PARD3: variants seen among roughly 807,000 people sequenced by gnomAD.
PARD3 encodes the protein partitioning defective 3 homolog.
Under a neutral mutation model 155.4 loss-of-function variants are expected in PARD3, and 75 were observed. The ratio of observed to expected loss-of-function variants is 0.48; its 90% CI spans 0.40 to 0.58. PARD3 has a LOEUF of 0.58. PARD3 is among the 20% of genes least tolerant of loss of function. The pLI, the probability that PARD3 is intolerant of heterozygous loss-of-function variation, is 0.00. For missense variants in PARD3, 1,642 were observed against 1,721.7 expected (o/e 0.95, Z 0.82); for synonymous variants, 576 against 610.5 (o/e 0.94, Z 0.83).
At chr10:34,199,419 C>T (rs1239373594) in intron 22 of PARD3, among the ~76,000 whole-genome samples, 2 of 152,124 alleles carry the variant, frequency 1.3e-5, no homozygotes, top group African/African-American at 4.8e-5. Context: ...ACACGTGGAG[C>T]TGGTGTGAGG....
At chr10:34,733,562 C>T (rs61843474) in intron 1 of PARD3, among the ~76,000 whole-genome samples, 8 of 152,050 alleles carry the variant, frequency 5.3e-5, no homozygotes, top group Admixed American at 3.3e-4. Context: ...CGGCTCACCA[C>T]GAACTCCTCC....
At chr10:34,364,765 C>T (rs1184773324) in intron 12 of PARD3, among the ~76,000 whole-genome samples, 7 of 152,042 alleles carry the variant, frequency 4.6e-5, no homozygotes, top group Non-Finnish European at 1.0e-4. Context: ...TAAATTAATG[C>T]AAAAATCCCT....
chr10:34,745,838 C>T (rs1400710812), intron 1 of PARD3, among the ~76,000 whole-genome samples: 5 of 152,074 alleles, frequency 3.3e-5, no homozygotes, highest in African/African-American at 4.8e-5. Flanking sequence ...CGGTGGCTCA[C>T]GCCTGTAATC....
chr10:34,564,493 C>A (rs2085764727), intron 2 of PARD3, among the ~76,000 whole-genome samples: 1 of 152,142 alleles, frequency 6.6e-6, no homozygotes, highest in South Asian at 2.1e-4. Flanking sequence ...AAGTCATCAG[C>A]AATCTTCGGA....
intron 12 of PARD3, among the ~76,000 whole-genome samples, chr10:34,371,769 T>C (rs1471296425): frequency 2.6e-5 from 4 of 152,038 alleles, no homozygotes; most frequent in South Asian, 4.1e-4. Context: ...TTGTTTGATG[T>C]AAAAAGGAAA....
At chr10:34,792,130 C>T (rs1296230191) in intron 1 of PARD3, among the ~76,000 whole-genome samples, 1 of 152,146 alleles carries the variant, frequency 6.6e-6, no homozygotes, top group Non-Finnish European at 1.5e-5. Flanking sequence ...GTGCTTGCCC[C>T]GGACCTGTGC....
intron 2 of PARD3, among the ~76,000 whole-genome samples, chr10:34,658,519 C>G (rs977577142): frequency 6.6e-5 from 10 of 152,002 alleles, no homozygotes; most frequent in African/African-American, 2.4e-4. Flanking sequence ...GGAGAAGATG[C>G]TGGGGGCTGG....
intron 1 of PARD3, among the ~76,000 whole-genome samples, chr10:34,729,839 G>A (rs1249548700): frequency 6.6e-6 from 1 of 152,100 alleles, no homozygotes; most frequent in Non-Finnish European, 1.5e-5. Flanking sequence ...CCTGGCTGTT[G>A]TGTACGCATC....
intron 1 of PARD3, among the ~76,000 whole-genome samples, chr10:34,798,629 C>T (rs1347121778): frequency 6.6e-6 from 1 of 150,574 alleles, no homozygotes; most frequent in Admixed American, 6.6e-5. Context: ...CACTAGAACC[C>T]GGGAGGCAGA....
intron 20 of PARD3, among the ~76,000 whole-genome samples, chr10:34,294,367 C>A (rs530953618): frequency 2.0e-5 from 3 of 152,214 alleles, no homozygotes; most frequent in Non-Finnish European, 4.4e-5. Flanking sequence ...GTTCATAGAG[C>A]AGACGAAAGT....
intron 1 of PARD3, among the ~76,000 whole-genome samples, chr10:34,794,312 T>C (rs1047893641): frequency 2.6e-5 from 4 of 152,218 alleles, no homozygotes; most frequent in Non-Finnish European, 5.9e-5. Context: ...GCCATACCTC[T>C]AAAACTTCTC....
At chr10:34,498,340 T>C (rs2080430601) in intron 3 of PARD3, among the ~76,000 whole-genome samples, 1 of 152,198 alleles carries the variant, frequency 6.6e-6, no homozygotes, top group Non-Finnish European at 1.5e-5. Context: ...AAAATAAATC[T>C]AGAAAATAAT....
chr10:34,352,644 G>A (rs908053784), intron 14 of PARD3, among the ~76,000 whole-genome samples: 1 of 152,240 alleles, frequency 6.6e-6, no homozygotes, highest in South Asian at 2.1e-4. Flanking sequence ...CGCTCACTCA[G>A]TGCTCAATCT....
intron 22 of PARD3, among the ~76,000 whole-genome samples, chr10:34,254,397 A>AAAAAC (rs1491229613): frequency 1.7e-5 from 1 of 58,158 alleles, no homozygotes; most frequent in Non-Finnish European, 5.9e-5. Flanking sequence ...AAACAAAAAC[A>AAAAAC]AAAACAAAAA....
At chr10:34,411,958 G>GTGTGTA (rs1190212340) in intron 5 of PARD3, among the ~76,000 whole-genome samples, 1 of 114,618 alleles carries the variant, frequency 8.7e-6, no homozygotes, top group East Asian at 2.3e-4. Context: ...GTGTGTGTGT[G>GTGTGTA]TGTGTATTTC....
At chr10:34,146,516 C>G (rs1330258211) in intron 22 of PARD3, among the ~76,000 whole-genome samples, 3 of 152,122 alleles carry the variant, frequency 2.0e-5, no homozygotes, top group Admixed American at 1.3e-4. Context: ...TTAACCGAGT[C>G]CTCCACACTT....
chr10:34,790,739 G>T (rs983461403), intron 1 of PARD3, among the ~76,000 whole-genome samples: 4 of 152,294 alleles, frequency 2.6e-5, no homozygotes, highest in Admixed American at 6.5e-5. Context: ...TGTAAGTAGG[G>T]TTTTTTCCTT....
chr10:34,563,045 A>G (rs2085632282), intron 2 of PARD3, among the ~76,000 whole-genome samples: 1 of 152,214 alleles, frequency 6.6e-6, no homozygotes, highest in Non-Finnish European at 1.5e-5. Flanking sequence ...TGCTGGGATT[A>G]CAAGCATAAG....
chr10:34,486,030 C>A lies in PARD3; in HGVS notation c.404-15767G>T, dbSNP rs115613906. On this transcript the variant is annotated intron_variant, in intron 3 of 24. Transcript: ENST00000374788. ...CCTTGAACTCCCAGGCTCACACGAT[C>A]CTCCTGCCTCAGCTTACCAAGCAGC... 3.1e-3 allele frequency among the ~76,000 whole-genome samples: 459 copies of A among 149,298 alleles called. 1 individual carries two copies. The highest frequency in any genetic ancestry group is 0.011 in the African/African-American group (436 of 40,280).
Sources: gnomAD v4.1 joint callset for allele counts (sites outside exome capture counted in the v4.1 genomes callset) on GRCh38, gnomAD v4.1.1 for gene constraint, MANE v1.5 for transcripts, NCBI Gene and HGNC (gene_info 2026-07-23, HGNC 2026-07-21) for gene names.